The following PARG variants were observed in gnomAD, a reference collection of about 807,000 sequenced individuals.
The protein encoded by PARG is poly(ADP-ribose) glycohydrolase.
In PARG, 35 loss-of-function variants were observed where a neutral mutation model predicts 113.0. The ratio of observed to expected loss-of-function variants is 0.31; its 90% CI spans 0.24 to 0.41. The LOEUF (loss-of-function observed/expected upper bound fraction) is 0.41, where lower values mean the gene tolerates loss of function less well. Ranked by LOEUF, PARG falls within the 10% of genes least tolerant of loss-of-function variation. The pLI, the probability that PARG is intolerant of heterozygous loss-of-function variation, is 1.00. For synonymous variants in PARG, 330 were observed against 409.9 expected (o/e 0.81, Z 2.36); for missense variants, 797 against 1,169.4 (o/e 0.68, Z 4.64).
chr10:49,915,033 G>T (rs1305085151), intron 7 of PARG, among the ~76,000 whole-genome samples: 3 of 152,016 alleles, frequency 2.0e-5, no homozygotes, highest in Admixed American at 6.5e-5. Context: ...TAGTGTAAGA[G>T]CTAAAGCTAT....
At chr10:49,899,557 G>A (rs369994782) in intron 7 of PARG, among the ~76,000 whole-genome samples, 7 of 152,052 alleles carry the variant, frequency 4.6e-5, no homozygotes, top group Admixed American at 6.6e-5. Context: ...AACTCCAACC[G>A]GTTTTCAGGA....
In PARG at chr10:49,886,383, A is replaced by G. The variant is rs549441781; in HGVS notation, c.1738-1088T>C. Among the ~76,000 whole-genome samples, 300 of 152,340 alleles carry G rather than the reference A, an allele frequency of 2.0e-3. 3 individuals are homozygous for G. The highest frequency in any genetic ancestry group is 7.0e-3 in the African/African-American group (290 of 41,576). ...GTGTAAATAGAAAAAGTAACAAAGAATATTTGCCCTGATTTTGCCAGTAAA... is the reference window on the plus strand; with the variant it reads ...GTGTAAATAGAAAAAGTAACAAAGAGTATTTGCCCTGATTTTGCCAGTAAA... On this transcript the variant is annotated intron_variant, in intron 7 of 17. Coordinates refer to ENST00000616448, the MANE Select transcript of PARG (RefSeq NM_003631.5).
chr10:49,843,012 A>C (rs2132451996), intron 14 of PARG, among the ~76,000 whole-genome samples: 1 of 152,348 alleles, frequency 6.6e-6, no homozygotes, highest in South Asian at 2.1e-4. Context: ...GCATTTCTGC[A>C]AAATTTTATC....
In PARG at chr10:49,864,430, A is replaced by G. The variant is rs868984384; in HGVS notation, c.2129+891T>C. 9.8e-4 allele frequency among the ~76,000 whole-genome samples: 149 copies of G among 152,140 alleles called. 1 individual carries two copies. Among genetic ancestry groups the G allele is most frequent in the African/African-American group, 3.5e-3 (144 of 41,498 alleles). On this transcript the variant is annotated intron_variant, in intron 11 of 17. Coordinates refer to ENST00000616448, the MANE Select transcript of PARG (RefSeq NM_003631.5). The stretch of plus-strand genomic sequence containing the variant: ...CCGCAGGAAAGCCACCTAAGCAGAT[A>G]TGACTTCTCAAGTTAACGTTTTTTT...
intron 7 of PARG, among the ~76,000 whole-genome samples, chr10:49,905,685 T>C (rs1321947066): frequency 6.6e-6 from 1 of 152,164 alleles, no homozygotes; most frequent in African/African-American, 2.4e-5. Flanking sequence ...ACTTACGAAG[T>C]GTTAATATTT....
chr10:49,840,128 C>T (rs1471001488), intron 15 of PARG, among the ~76,000 whole-genome samples: 3 of 152,104 alleles, frequency 2.0e-5, no homozygotes, highest in Admixed American at 1.3e-4. Context: ...GTGGCTCATG[C>T]CTATAATCCC....
At position 49,820,154 on chromosome 10, in the gene PARG, C is replaced by T; in HGVS notation, c.2776+11G>A. 1.3e-6 allele frequency: 2 copies of T among 1,533,456 alleles called. No individual in the cohort carries two copies. Among genetic ancestry groups the T allele is most frequent in the Non-Finnish European group, 8.8e-7 (1 of 1,131,024 alleles). 95.0% of individuals were successfully genotyped at this position (1,533,456 alleles called of 1,614,324 possible). On this transcript the variant is annotated intron_variant, in intron 17 of 17. Transcript: ENST00000616448. The stretch of plus-strand genomic sequence containing the variant: ...TCTAGATACCAAGTGTCAAGAGTAT[C>T]TCCTACTTACCAACAGTGAGTTTCC...
chr10:49,901,459 A>C (rs543967725), intron 7 of PARG, among the ~76,000 whole-genome samples: 4 of 149,796 alleles, frequency 2.7e-5, no homozygotes, highest in Non-Finnish European at 5.9e-5. Flanking sequence ...GCACACTCAC[A>C]GCGCTATTAT....
intron 7 of PARG, among the ~76,000 whole-genome samples, chr10:49,892,326 C>A (rs140329497): frequency 0.069 from 10,570 of 152,142 alleles, 512 homozygotes; most frequent in African/African-American, 0.12. Context: ...ATATCCTCTT[C>A]TCAGATATAA....
intron 6 of PARG, among the ~76,000 whole-genome samples, chr10:49,920,248 C>G (rs370568203): frequency 2.3e-3 from 344 of 151,310 alleles, no homozygotes; most frequent in East Asian, 0.017. Context: ...GGAGACCAGC[C>G]TAGGGAACAC....
intron 16 of PARG, among the ~76,000 whole-genome samples, chr10:49,831,176 T>G (rs1268024806): frequency 1.3e-5 from 2 of 152,174 alleles, no homozygotes; most frequent in Non-Finnish European, 2.9e-5. Context: ...CACCAAATGC[T>G]GACAGTGAAT....
intron 16 of PARG, among the ~76,000 whole-genome samples, chr10:49,826,475 C>T (rs967587472): frequency 7.2e-5 from 11 of 152,208 alleles, no homozygotes; most frequent in Admixed American, 1.3e-4. Flanking sequence ...CATATCAGCA[C>T]TGTCTAAATT....
intron 14 of PARG, among the ~76,000 whole-genome samples, 158 bp from the exon 15 acceptor site, chr10:49,842,216 C>T (rs1201486583): frequency 1.3e-5 from 2 of 152,178 alleles, no homozygotes; most frequent in African/African-American, 4.8e-5. Flanking sequence ...AGGAAACACC[C>T]TTTATTTTTA....
In PARG at chr10:49,831,852, A is replaced by G. The variant is rs193052966; in HGVS notation, c.2647+951T>C. On this transcript the variant is annotated intron_variant, in intron 16 of 17. Coordinates refer to ENST00000616448, the MANE Select transcript of PARG (RefSeq NM_003631.5). ...AAATTATGGAACCTGAGGTGGGGAC[A>G]TGGGAACCTCCTACAATAGTAACCA... 2.0e-5 allele frequency among the ~76,000 whole-genome samples: 3 copies of G among 152,312 alleles called. No homozygotes were observed. The East Asian group carries it at 5.8e-4, about 29-fold the overall frequency.
intron 11 of PARG, among the ~76,000 whole-genome samples, chr10:49,863,287 CCTTAT>C (rs1439650029): frequency 1.2e-4 from 7 of 58,324 alleles, no homozygotes; most frequent in Admixed American, 4.5e-4. Flanking sequence ...CACCAACAAT[CCTTAT>C]CTTTTCTTCA....
chr10:49,899,652 G>C (rs1292181447), intron 7 of PARG, among the ~76,000 whole-genome samples: 1 of 152,176 alleles, frequency 6.6e-6, no homozygotes, highest in East Asian at 1.9e-4. Context: ...ACCTAAATAA[G>C]ACTGTGCATG....
chr10:49,862,264 TAAC>T (rs1335704278), intron 11 of PARG, among the ~76,000 whole-genome samples: 4 of 152,082 alleles, frequency 2.6e-5, no homozygotes, highest in Admixed American at 2.6e-4. Flanking sequence ...TATGTTATAT[TAAC>T]AACAAATTCC....
At chr10:49,902,713 G>A (rs1168055029) in intron 7 of PARG, among the ~76,000 whole-genome samples, 3 of 152,158 alleles carry the variant, frequency 2.0e-5, no homozygotes, top group Non-Finnish European at 4.4e-5. Flanking sequence ...TATAAAGCCT[G>A]GGCACAGTGG....
At chr10:49,887,023 C>T (rs1262383454) in intron 7 of PARG, among the ~76,000 whole-genome samples, 1 of 151,224 alleles carries the variant, frequency 6.6e-6, no homozygotes, top group Admixed American at 6.6e-5. Flanking sequence ...TTAAAATATT[C>T]AAACTCTTCC....
Sources: allele counts gnomAD v4.1 joint callset (sites outside exome capture counted in the v4.1 genomes callset), GRCh38; gene constraint gnomAD v4.1.1; transcripts MANE v1.5; gene names NCBI Gene and HGNC (gene_info 2026-07-23, HGNC 2026-07-21).